Variants in CTNNA3 observed in about 807,000 individuals in gnomAD.
The protein encoded by CTNNA3 is catenin alpha 3, also known as catenin alpha-3.
Under a neutral mutation model 95.7 loss-of-function variants are expected in CTNNA3, and 76 were observed. The observed-to-expected ratio is 0.79, with a 90% confidence interval of 0.66 to 0.96. The LOEUF (loss-of-function observed/expected upper bound fraction) is 0.96. Ranked by LOEUF, CTNNA3 falls within the 40% of genes least tolerant of loss-of-function variation. The pLI, the probability that CTNNA3 is intolerant of heterozygous loss-of-function variation, is 0.00. For synonymous variants in CTNNA3, 431 were observed against 374.4 expected (o/e 1.15, Z -1.74); for missense variants, 1,191 against 1,089.8 (o/e 1.09, Z -1.31).
chr10:66,235,807 A>G (rs2089827795), intron 13 of CTNNA3, among the ~76,000 whole-genome samples: 1 of 152,080 alleles, frequency 6.6e-6, no homozygotes, highest in Admixed American at 6.5e-5. Flanking sequence ...ATTTAGCAAG[A>G]TTTCAGATTA....
intron 7 of CTNNA3, among the ~76,000 whole-genome samples, chr10:67,072,708 A>G (rs1227191363): frequency 6.6e-6 from 1 of 152,168 alleles, no homozygotes; most frequent in African/African-American, 2.4e-5. Flanking sequence ...TGGGCCCTGA[A>G]AAAGTTCTCT....
At chr10:66,724,904 T>C (rs1848734368) in intron 9 of CTNNA3, among the ~76,000 whole-genome samples, 1 of 152,114 alleles carries the variant, frequency 6.6e-6, no homozygotes, top group Admixed American at 6.6e-5. Flanking sequence ...TTTGAAGAAA[T>C]ATACAGTCAT....
At chr10:65,951,825 C>A (rs1461799230) in intron 17 of CTNNA3, among the ~76,000 whole-genome samples, 1 of 152,028 alleles carries the variant, frequency 6.6e-6, no homozygotes, top group Non-Finnish European at 1.5e-5. Flanking sequence ...GTCAGGAGAT[C>A]GAGACCATCC....
intron 7 of CTNNA3, among the ~76,000 whole-genome samples, chr10:66,871,375 C>G (rs985643316): frequency 7.2e-5 from 11 of 151,790 alleles, no homozygotes; most frequent in Admixed American, 7.2e-4. Context: ...CCTGACCAAC[C>G]TGGAGAAACC....
intron 12 of CTNNA3, among the ~76,000 whole-genome samples, chr10:66,325,640 T>C (rs1211672330): frequency 1.3e-5 from 2 of 152,086 alleles, no homozygotes; most frequent in African/African-American, 2.4e-5. Context: ...TGCAAGCAAA[T>C]CTAAAGGCAA....
intron 7 of CTNNA3, among the ~76,000 whole-genome samples, chr10:67,083,791 T>C (rs534393883): frequency 3.9e-5 from 6 of 152,298 alleles, no homozygotes; most frequent in Admixed American, 1.3e-4. Context: ...CCCATAGACA[T>C]TGGGATGGTT....
Position 66,816,826 on chromosome 10 carries a change from G to A in CTNNA3, c.1048-41302C>T, listed in dbSNP as rs143496560. On this transcript the variant is annotated intron_variant, in intron 7 of 17. Coordinates refer to ENST00000433211, the MANE Select transcript of CTNNA3 (RefSeq NM_013266.4). ...AAAGGATTTAAATAATATAAAGTAC[G>A]TCCTCCATCTATGATGGAATTAAAT... Among the ~76,000 whole-genome samples, 1,408 of 152,024 alleles carry A rather than the reference G, an allele frequency of 9.3e-3. 20 individuals are homozygous for A. Among genetic ancestry groups the A allele is most frequent in the African/African-American group, 0.032 (1,314 of 41,510 alleles).
At chr10:67,313,421 G>T (rs960245398) in intron 5 of CTNNA3, among the ~76,000 whole-genome samples, 6 of 149,410 alleles carry the variant, frequency 4.0e-5, no homozygotes, top group African/African-American at 1.5e-4. Flanking sequence ...GACAGAGCGA[G>T]AATCCGTCTC....
chr10:67,479,365 C>T (rs1848134959), intron 5 of CTNNA3, among the ~76,000 whole-genome samples: 2 of 152,012 alleles, frequency 1.3e-5, no homozygotes, highest in Admixed American at 1.3e-4. Flanking sequence ...AATCAAGTCT[C>T]AATAAGTTCA....
At chr10:66,151,371 A>T (rs2084190625) in intron 13 of CTNNA3, among the ~76,000 whole-genome samples, 1 of 152,030 alleles carries the variant, frequency 6.6e-6, no homozygotes, top group African/African-American at 2.4e-5. Flanking sequence ...AAAATGTTTT[A>T]ACTAAAAAAT....
chr10:67,521,840 A>G lies in CTNNA3; in HGVS notation c.579+2T>C, dbSNP rs1218818245. 6.2e-7 allele frequency: 1 copy of G among 1,613,152 alleles called. No individual in the cohort carries two copies. The highest frequency in any genetic ancestry group is 1.3e-5 in the African/African-American group (1 of 74,888). ...TCCACCAAGGAGAGCTCTGACTCCT[A>G]CCTGCTGACGTTTGAAGGCTAAATA... On this transcript the variant is annotated splice_donor_variant, in intron 5 of 17. Transcript: ENST00000433211. LOFTEE classifies it high-confidence loss of function.
At chr10:67,157,678 G>A (rs540741812) in intron 7 of CTNNA3, among the ~76,000 whole-genome samples, 19 of 152,170 alleles carry the variant, frequency 1.2e-4, no homozygotes, top group African/African-American at 2.6e-4. Flanking sequence ...GCAATTAGCC[G>A]CGCATGTAGC....
chr10:66,976,499 C>T (rs1041097746), intron 7 of CTNNA3, among the ~76,000 whole-genome samples: 10 of 152,198 alleles, frequency 6.6e-5, no homozygotes, highest in African/African-American at 2.4e-4. Context: ...CATTACTAGC[C>T]TACCCTACAA....
At chr10:66,337,118 T>C (rs975576352) in intron 12 of CTNNA3, among the ~76,000 whole-genome samples, 3 of 152,190 alleles carry the variant, frequency 2.0e-5, no homozygotes, top group Non-Finnish European at 4.4e-5. Context: ...CATAAAAATA[T>C]TGTTTATGTT....
chr10:66,226,840 CTTAA>C (rs1333108262), intron 13 of CTNNA3, among the ~76,000 whole-genome samples: 1 of 151,716 alleles, frequency 6.6e-6, no homozygotes, highest in Non-Finnish European at 1.5e-5. Flanking sequence ...TAATTGCTTT[CTTAA>C]TTTATTTTTC....
chr10:67,322,155 T>G (rs977242037), intron 5 of CTNNA3, among the ~76,000 whole-genome samples: 1 of 152,252 alleles, frequency 6.6e-6, no homozygotes, highest in African/African-American at 2.4e-5. Context: ...CATTACAAAT[T>G]TTAAACAGGC....
chr10:65,987,024 C>A (rs1009449392), intron 16 of CTNNA3, among the ~76,000 whole-genome samples: 1 of 151,882 alleles, frequency 6.6e-6, no homozygotes, highest in Non-Finnish European at 1.5e-5. Context: ...TGAAACTAGG[C>A]CCCTACCTTT....
chr10:67,388,806 A>G (rs1375961021), intron 5 of CTNNA3, among the ~76,000 whole-genome samples: 3 of 152,118 alleles, frequency 2.0e-5, no homozygotes, highest in Middle Eastern at 6.8e-3. Flanking sequence ...TATCCAGCCA[A>G]ACTAAGCTTC....
intron 1 of CTNNA3, among the ~76,000 whole-genome samples, chr10:67,666,197 GGGGTGA>G (rs1384127786): frequency 6.6e-6 from 1 of 152,086 alleles, no homozygotes; most frequent in Admixed American, 6.5e-5. Context: ...GTCCAGTGGT[GGGGTGA>G]GAAAAGCAGT....
Sources: gnomAD v4.1 joint callset for allele counts (sites outside exome capture counted in the v4.1 genomes callset) on GRCh38, gnomAD v4.1.1 for gene constraint, MANE v1.5 for transcripts, NCBI Gene and HGNC (gene_info 2026-07-23, HGNC 2026-07-21) for gene names.